Variants in NID1 observed in about 807,000 individuals in gnomAD.
The protein encoded by NID1 is nidogen 1.
NID1 carries 76 observed loss-of-function variants against 130.6 expected under a neutral mutation model. That is an observed-to-expected ratio of 0.58 (90% CI 0.48 to 0.70). The LOEUF is 0.70. NID1 is among the 30% of genes least tolerant of loss of function. The pLI is 0.00. For synonymous variants in NID1, 665 were observed against 675.1 expected, an observed-to-expected ratio of 0.98 and a Z score of 0.23; for missense variants, 1,517 against 1,664.8, an observed-to-expected ratio of 0.91 and a Z score of 1.54.
chr1:236,034,920 C>A (rs987291773), intron 5 of NID1, among the ~76,000 whole-genome samples: 13 of 151,350 alleles, frequency 8.6e-5, no homozygotes, highest in Non-Finnish European at 1.5e-4. Flanking sequence ...TTATGATCAT[C>A]ACAGGGTCAG....
intron 14 of NID1, among the ~76,000 whole-genome samples, chr1:235,987,006 G>C (rs1657593573): frequency 6.6e-6 from 1 of 152,130 alleles, no homozygotes; most frequent in African/African-American, 2.4e-5. Context: ...CCACACATTA[G>C]TTCTTACAAA....
rs762429169 is a variant in NID1 at position 236,038,165 on chromosome 1, C to T, written c.1224G>A (p.Thr408=). ...CAGCGACACAGCTGCAGCAGAAGCCCGTGGCGTAGTCCCTGCACTCTGCGT... is the reference window on the plus strand; with the variant it reads ...CAGCGACACAGCTGCAGCAGAAGCCTGTGGCGTAGTCCCTGCACTCTGCGT... ...SVHAECRDYA[T]GFCCSCVAGY... Residue 408 remains threonine, a synonymous_variant, in exon 5 of 20, where the codon ACG becomes ACA. Coordinates refer to ENST00000264187, the MANE Select transcript of NID1 (RefSeq NM_002508.3). 23 of 1,611,442 alleles carry T rather than the reference C, an allele frequency of 1.4e-5. No homozygotes were observed. Among genetic ancestry groups the T allele is most frequent in the African/African-American group, 6.7e-5 (5 of 74,906 alleles).
chr1:235,986,432 TC>T (rs764365724), intron 14 of NID1, among the ~76,000 whole-genome samples: 7 of 49,750 alleles, frequency 1.4e-4, no homozygotes, highest in African/African-American at 3.0e-4. Context: ...TGTGACAGCA[TC>T]AAAAAAAAAA....
Position 236,029,586 on chromosome 1 carries a change from C to T in NID1, c.1702G>A (p.Glu568Lys). ...QIPFGSSVHI[E>K]PYTELYHYST... ...TAGTGGTACAGCTCCGTGTAGGGCT[C>T]AATGTGCACGGAGGAGCCGAACGGA... Residue 568 changes from glutamate (E) to lysine (K), a missense_variant, in exon 7 of 20, where the codon GAG becomes AAG. Physicochemically the swap from Glu to Lys is moderately conservative, Grantham distance 56 (BLOSUM62 1). Coordinates refer to ENST00000264187, the MANE Select transcript of NID1 (RefSeq NM_002508.3). The T allele has an allele frequency of 1.3e-6, 2 of 1,581,070 alleles. No individual in the cohort carries two copies. The highest frequency in any genetic ancestry group is 1.7e-6 in the Non-Finnish European group (2 of 1,163,546).
intron 1 of NID1, among the ~76,000 whole-genome samples, chr1:236,057,167 G>C (rs1464825646): frequency 6.6e-6 from 1 of 151,894 alleles, no homozygotes; most frequent in Non-Finnish European, 1.5e-5. Flanking sequence ...GCTGAGGCAG[G>C]AGAATCGCTT....
At chr1:236,023,638 ATT>A (rs35548936) in intron 9 of NID1, among the ~76,000 whole-genome samples, 3,248 of 151,000 alleles carry the variant, frequency 0.022, 112 homozygotes, top group African/African-American at 0.073. Flanking sequence ...ACCGCAAACA[ATT>A]TTTTTTTTTT....
chr1:236,023,556 A>T (rs1658829477), intron 9 of NID1, among the ~76,000 whole-genome samples: 1 of 152,214 alleles, frequency 6.6e-6, no homozygotes, highest in South Asian at 2.1e-4. Flanking sequence ...CAATAAAATG[A>T]ATGCATGCAA....
intron 10 of NID1, among the ~76,000 whole-genome samples, chr1:236,016,376 G>A (rs1658595362): frequency 6.6e-6 from 1 of 152,126 alleles, no homozygotes; most frequent in African/African-American, 2.4e-5. Flanking sequence ...CGAACAGTGA[G>A]GAAGAGGCAA....
rs1365004425 is a variant in NID1, at chr1:235,981,654, C to G, written c.3184G>C (p.Asp1062His). The change falls in exon 16 of 20, where the codon GAC (aspartate) becomes CAC (histidine). Residue 1062 changes from aspartate (D) to histidine (H), a missense_variant. By Grantham distance (81) the Asp-to-His change is moderately conservative. Coordinates refer to ENST00000264187, the MANE Select transcript of NID1 (RefSeq NM_002508.3). ...ACAATGCCTCTGGGATTCACCAAGT[C>G]AGTCTCAAAGAGCACCCGGCGCTGC... ...GTQRRVLFETDLVNPRGIVTD... is the reference protein window; with the variant it reads ...GTQRRVLFETHLVNPRGIVTD... The G allele has an allele frequency of 6.2e-7, 1 of 1,614,154 alleles. No homozygotes were observed. The highest frequency in any genetic ancestry group is 1.7e-5 in the Admixed American group (1 of 60,006).
chr1:236,039,447 T>C (rs546001508), intron 4 of NID1, among the ~76,000 whole-genome samples: 1 of 152,110 alleles, frequency 6.6e-6, no homozygotes, highest in African/African-American at 2.4e-5. Context: ...AGGAATAATT[T>C]GGAAGCACTT....
At chr1:236,009,484 C>CAT (rs1658345151) in intron 12 of NID1, among the ~76,000 whole-genome samples, 1 of 152,198 alleles carries the variant, frequency 6.6e-6, no homozygotes, top group Non-Finnish European at 1.5e-5. Flanking sequence ...CCCTCTCTCC[C>CAT]ATTATAGAGG....
chr1:236,003,185 ACTG>A, intron 12 of NID1, among the ~76,000 whole-genome samples: 1 of 149,720 alleles, frequency 6.7e-6, no homozygotes, highest in African/African-American at 2.5e-5. Flanking sequence ...CTAGTGAACG[ACTG>A]GTAGTTGTCA....
At chr1:236,029,493 A>G in intron 7 of NID1, 57 bp downstream of exon 7, 1 of 1,515,112 alleles carries the variant, frequency 6.6e-7, no homozygotes, top group Non-Finnish European at 8.9e-7. Context: ...TGGTGGGTCA[A>G]GAGCACGAGG....
chr1:235,984,448 T>C (rs1657519611), intron 15 of NID1, among the ~76,000 whole-genome samples: 4 of 152,148 alleles, frequency 2.6e-5, no homozygotes. Context: ...GCACAGGAAA[T>C]CTTCTAGAAT....
At chr1:236,051,710 G>A (rs186694862) in intron 1 of NID1, among the ~76,000 whole-genome samples, 3 of 152,316 alleles carry the variant, frequency 2.0e-5, no homozygotes, top group African/African-American at 7.2e-5. Context: ...GTGTGGGAGC[G>A]TGGGAAACGG....
chr1:236,002,602 G>A (rs1277738237), intron 12 of NID1, among the ~76,000 whole-genome samples: 3 of 152,204 alleles, frequency 2.0e-5, no homozygotes, highest in African/African-American at 4.8e-5. Context: ...GTGGCTGAAC[G>A]GACTTAAGAC....
At chr1:236,061,295 C>A (rs563214269) in intron 1 of NID1, among the ~76,000 whole-genome samples, 5 of 152,286 alleles carry the variant, frequency 3.3e-5, no homozygotes, top group African/African-American at 1.2e-4. Context: ...AGCTCAGTTG[C>A]TGCTCACCTG....
At chr1:236,064,246 G>A (rs1288681730) in intron 1 of NID1, among the ~76,000 whole-genome samples, 1 of 152,194 alleles carries the variant, frequency 6.6e-6, no homozygotes, top group Non-Finnish European at 1.5e-5. Context: ...TGGTGACAAT[G>A]CCTGGCCACA....
At chr1:236,022,631 C>A (rs1445400188) in intron 9 of NID1, among the ~76,000 whole-genome samples, 5 of 151,260 alleles carry the variant, frequency 3.3e-5, no homozygotes, top group Admixed American at 2.6e-4. Flanking sequence ...AGCCACTGCG[C>A]CTGGCCTCCT....
Sources: gnomAD v4.1 joint callset for allele counts (sites outside exome capture counted in the v4.1 genomes callset) on GRCh38, gnomAD v4.1.1 for gene constraint, MANE v1.5 for transcripts, NCBI Gene and HGNC (gene_info 2026-07-23, HGNC 2026-07-21) for gene names.